The following PSD3 variants were observed in gnomAD, a reference collection of about 807,000 sequenced individuals.
The protein encoded by PSD3 is pleckstrin and Sec7 domain containing 3.
A neutral mutation model predicts 105.5 loss-of-function variants in PSD3; 49 were observed. That is an observed-to-expected ratio of 0.46 (90% CI 0.37 to 0.59). PSD3 has a LOEUF of 0.59. Among genes scored for constraint, PSD3 ranks in the 20% least tolerant of loss-of-function variants. The pLI, the probability that PSD3 is intolerant of heterozygous loss-of-function variation, is 0.00. For missense variants in PSD3, 1,561 were observed against 1,263.8 expected (o/e 1.24, Z -3.57); for synonymous variants, 557 against 457.8 (o/e 1.22, Z -2.77).
intron 2 of PSD3, among the ~76,000 whole-genome samples, chr8:18,879,847 C>T (rs1209248085): frequency 0.023 from 1 of 44 alleles, no homozygotes; most frequent in Non-Finnish European, 0.045. Context: ...ATCCTCCCAC[C>T]CTTGGCCTCC....
At chr8:18,627,451 T>C (rs972049151) in intron 11 of PSD3, among the ~76,000 whole-genome samples, 2 of 151,938 alleles carry the variant, frequency 1.3e-5, no homozygotes, top group Non-Finnish European at 2.9e-5. Context: ...AAAAATAAAG[T>C]AGTGGGATGG....
At chr8:18,976,335 A>T (rs1021403783) in intron 1 of PSD3, among the ~76,000 whole-genome samples, 3 of 152,240 alleles carry the variant, frequency 2.0e-5, no homozygotes, top group Admixed American at 2.0e-4. Context: ...TACAAATTAC[A>T]TTGAAATACT....
In PSD3 at chr8:19,049,690, CAAAAAAA is replaced by C. The variant is rs10584051; in HGVS notation, c.324+34509_324+34515del. Among the ~76,000 whole-genome samples the C allele has an allele frequency of 3.6e-4, 23 of 64,354 alleles. 1 individual carries two copies. The highest frequency in any genetic ancestry group is 5.1e-4 in the African/African-American group (10 of 19,736). 42.2% of individuals were successfully genotyped at this position (64,354 alleles called of 152,430 possible). A position where few individuals can be genotyped will look rare whatever the true frequency, so the allele number is the denominator to read the frequency against. The stretch of plus-strand genomic sequence containing the variant: ...TGGGTGACAGACTAAGACCCTGTCT[CAAAAAAA>C]AAAAAAAAAAAAAAAAAAAGACAAT... On this transcript the variant is annotated intron_variant, in intron 1 of 1. Transcript: ENST00000521475.
At chr8:18,567,167 G>T (rs776183855) in intron 14 of PSD3, among the ~76,000 whole-genome samples, 5 of 151,980 alleles carry the variant, frequency 3.3e-5, no homozygotes, top group Non-Finnish European at 7.4e-5. Context: ...TTCTCCCCTG[G>T]ATCTTTTATA....
chr8:18,697,792 G>A (rs1027624726), intron 9 of PSD3, among the ~76,000 whole-genome samples: 1 of 152,052 alleles, frequency 6.6e-6, no homozygotes, highest in African/African-American at 2.4e-5. Context: ...AGTTCCTTCT[G>A]GCATCAACAT....
intron 1 of PSD3, among the ~76,000 whole-genome samples, chr8:19,042,123 G>A (rs1384342038): frequency 6.6e-6 from 1 of 152,176 alleles, no homozygotes; most frequent in East Asian, 1.9e-4. Flanking sequence ...AGAAACAGCT[G>A]AATGAACATG....
intron 11 of PSD3, among the ~76,000 whole-genome samples, chr8:18,629,630 T>C (rs1351947985): frequency 6.6e-6 from 1 of 151,988 alleles, no homozygotes; most frequent in Non-Finnish European, 1.5e-5. Flanking sequence ...ATTCCATTTA[T>C]TGCAATTTTA....
At chr8:18,696,344 A>G (rs1212809763) in intron 9 of PSD3, among the ~76,000 whole-genome samples, 1 of 152,232 alleles carries the variant, frequency 6.6e-6, no homozygotes, top group Non-Finnish European at 1.5e-5. Flanking sequence ...ACTATTAGAT[A>G]GATATTATCA....
intron 9 of PSD3, among the ~76,000 whole-genome samples, chr8:18,665,764 C>T (rs7841192): frequency 0.25 from 37,966 of 152,044 alleles, 7,009 homozygotes; most frequent in East Asian, 0.65. Context: ...GGTGAGAAGA[C>T]TGTTTGAGCC....
At chr8:18,675,841 C>A (rs1199455330) in intron 9 of PSD3, among the ~76,000 whole-genome samples, 2 of 152,170 alleles carry the variant, frequency 1.3e-5, no homozygotes, top group Admixed American at 1.3e-4. Flanking sequence ...TGCACAGCTA[C>A]TCTTGGTCTC....
chr8:19,016,915 G>A (rs2129475698), upstream of PSD3, among the ~76,000 whole-genome samples: 1 of 152,228 alleles, frequency 6.6e-6, no homozygotes, highest in South Asian at 2.1e-4. Context: ...TGAGAGCAGA[G>A]CCCTTATGAC....
intron 12 of PSD3, among the ~76,000 whole-genome samples, chr8:18,581,845 C>T (rs190252541): frequency 3.3e-5 from 5 of 152,252 alleles, no homozygotes; most frequent in Admixed American, 1.3e-4. Flanking sequence ...ACATTACTAT[C>T]GTGATACTCC....
At chr8:18,934,501 C>G (rs1389225132) in intron 2 of PSD3, among the ~76,000 whole-genome samples, 1 of 152,122 alleles carries the variant, frequency 6.6e-6, no homozygotes, top group East Asian at 1.9e-4. Context: ...AGCTCTGCCT[C>G]TCGGGTTCAT....
intron 8 of PSD3, among the ~76,000 whole-genome samples, chr8:18,795,655 C>T (rs930316260): frequency 6.6e-6 from 1 of 152,144 alleles, no homozygotes; most frequent in African/African-American, 2.4e-5. Flanking sequence ...CTCCTACCAC[C>T]TTAGAACACC....
intron 8 of PSD3, among the ~76,000 whole-genome samples, chr8:18,767,683 G>T (rs1357795616): frequency 6.6e-6 from 1 of 152,044 alleles, no homozygotes; most frequent in Non-Finnish European, 1.5e-5. Flanking sequence ...GGAGGTGGAG[G>T]ATGCAGTGAG....
At chr8:18,818,111 G>C (rs1251337730) in intron 4 of PSD3, among the ~76,000 whole-genome samples, 1 of 152,126 alleles carries the variant, frequency 6.6e-6, no homozygotes, top group East Asian at 1.9e-4. Context: ...CTGCCACTAC[G>C]CTTGGCTAAT....
intron 1 of PSD3, among the ~76,000 whole-genome samples, chr8:18,957,369 CAAA>C (rs58128598): frequency 7.3e-5 from 10 of 137,668 alleles, no homozygotes; most frequent in Admixed American, 1.5e-4. Flanking sequence ...GACTCCGTCT[CAAA>C]AAAAAAAAAA....
Position 18,572,658 on chromosome 8 carries a change from A to C in PSD3, c.2654T>G (p.Met885Arg). Residue 885 changes from methionine to arginine, a missense_variant, in exon 14 of 16, where the codon ATG becomes AGG. Transcript: ENST00000327040. The part of the protein sequence containing the change: ...LLFQTQSPEE[M>R]QGWINKINCV... ...ATTGATTTTGTTTATCCACCCTTGCATTTCCTCTGGGCTCCTATGAGAAAT... is the reference window on the plus strand; with the variant it reads ...ATTGATTTTGTTTATCCACCCTTGCCTTTCCTCTGGGCTCCTATGAGAAAT... 1 of 1,613,890 alleles carries C rather than the reference A, an allele frequency of 6.2e-7. No homozygotes were observed. Among genetic ancestry groups the C allele is most frequent in the Non-Finnish European group, 8.5e-7 (1 of 1,179,846 alleles).
intron 15 of PSD3, among the ~76,000 whole-genome samples, chr8:18,550,625 G>A (rs1358547811): frequency 1.3e-5 from 2 of 151,872 alleles, no homozygotes; most frequent in Non-Finnish European, 2.9e-5. Context: ...AACTTAGGTG[G>A]GCAAAATTAT....
Sources: allele counts gnomAD v4.1 joint callset (sites outside exome capture counted in the v4.1 genomes callset), GRCh38; gene constraint gnomAD v4.1.1; transcripts MANE v1.5; gene names NCBI Gene and HGNC (gene_info 2026-07-23, HGNC 2026-07-21).